Variants in FAM91A1 observed in about 807,000 individuals in gnomAD.
FAM91A1 encodes protein FAM91A1.
FAM91A1 carries 41 observed loss-of-function variants against 113.5 expected under a neutral mutation model. The observed-to-expected ratio is 0.36, with a 90% confidence interval of 0.28 to 0.47. FAM91A1 has a LOEUF of 0.47. Ranked by LOEUF, FAM91A1 falls within the 20% of genes least tolerant of loss-of-function variation. The pLI, the probability that FAM91A1 is intolerant of heterozygous loss-of-function variation, is 1.00. For synonymous variants in FAM91A1, 307 were observed against 347.9 expected (o/e 0.88, Z 1.31); for missense variants, 696 against 1,001.2 (o/e 0.70, Z 4.11).
chr8:123,790,087 T>G (rs2130102439), intron 15 of FAM91A1, among the ~76,000 whole-genome samples: 1 of 152,230 alleles, frequency 6.6e-6, no homozygotes. Flanking sequence ...GTAGGAAGCA[T>G]AAAATTTCAA....
At chr8:123,812,389 T>TG in intron 23 of FAM91A1, 130 bp from the exon 24 acceptor site, 1 of 561,844 alleles carries the variant, frequency 1.8e-6, no homozygotes, top group South Asian at 4.7e-5. Context: ...TGTAGATCTT[T>TG]GCATCTCCTG....
chr8:123,771,863 T>G (rs956086870), intron 1 of FAM91A1, among the ~76,000 whole-genome samples: 2 of 152,244 alleles, frequency 1.3e-5, no homozygotes, highest in African/African-American at 4.8e-5. Flanking sequence ...GTCTTATTCT[T>G]ACATCGCCAT....
chr8:123,810,448 A>G (rs886121138), intron 23 of FAM91A1, 97 bp downstream of exon 23: 24 of 1,071,560 alleles, frequency 2.2e-5, no homozygotes, highest in Non-Finnish European at 3.3e-5. Flanking sequence ...GCAGCAAGAT[A>G]TGAAATAAAC....
intron 16 of FAM91A1, 118 bp downstream of exon 16, chr8:123,798,356 A>G: frequency 8.6e-7 from 1 of 1,168,630 alleles, no homozygotes; most frequent in Non-Finnish European, 1.2e-6. Flanking sequence ...GCAATTTTGT[A>G]TTTTATGCCT....
rs763016887 is a variant in FAM91A1 at position 123,780,012 on chromosome 8, G to A, written c.577G>A (p.Val193Ile). The change falls in exon 7 of 24, where the codon GTT becomes ATT. Residue 193 changes from valine to isoleucine, a missense_variant. By Grantham distance (29) the Val-to-Ile change is conservative. Coordinates refer to ENST00000334705, the MANE Select transcript of FAM91A1 (RefSeq NM_144963.4). ...ATGCACTTTGCCTGAGAAATGCGCT[G>A]TTGATAAGATCATCGATTCAGGCCC... ...KICTLPEKCA[V>I]DKIIDSGPQL... 6 of 1,613,390 alleles carry A rather than the reference G, an allele frequency of 3.7e-6. No homozygotes were observed. In the South Asian group the frequency reaches 5.5e-5, roughly 15 times the overall value.
chr8:123,787,160 T>C, intron 12 of FAM91A1, 101 bp from the exon 13 acceptor site: 3 of 888,606 alleles, frequency 3.4e-6, no homozygotes, highest in Non-Finnish European at 3.5e-6. Context: ...AATTATGTAC[T>C]TTCTGGTTAT....
chr8:123,806,564 A>G (rs1297228947), intron 20 of FAM91A1, among the ~76,000 whole-genome samples: 1 of 152,198 alleles, frequency 6.6e-6, no homozygotes, highest in Non-Finnish European at 1.5e-5. Flanking sequence ...TTGACTTAAT[A>G]GTTTTTCCCT....
At chr8:123,804,160 A>C (rs889412545) in intron 18 of FAM91A1, among the ~76,000 whole-genome samples, 1 of 152,182 alleles carries the variant, frequency 6.6e-6, no homozygotes, top group Non-Finnish European at 1.5e-5. Flanking sequence ...AACTAATAGT[A>C]CATTCACATG....
intron 4 of FAM91A1, among the ~76,000 whole-genome samples, chr8:123,777,611 T>C (rs561980408): frequency 6.6e-6 from 1 of 152,320 alleles, no homozygotes; most frequent in East Asian, 1.9e-4. Flanking sequence ...GTGTGTATAT[T>C]GAATGTGGGA....
intron 8 of FAM91A1, 60 bp downstream of exon 8, chr8:123,780,602 C>A: frequency 7.5e-7 from 1 of 1,337,398 alleles, no homozygotes; most frequent in Non-Finnish European, 1.1e-6. Flanking sequence ...CTAAGCATTG[C>A]ATATCATCCG....
In FAM91A1 at chr8:123,775,169, A is replaced by G. The variant is rs191570000; in HGVS notation, c.180A>G (p.Glu60=). 5.7e-5 allele frequency: 91 copies of G among 1,610,324 alleles called. No homozygotes were observed. The African/African-American group carries it at 8.3e-4, about 15-fold the overall frequency. ...NNLVKHVKKD[E]RRYYEELLKY... is the part of the protein sequence containing the mutation. ...CAGTTAAACATGTCAAGAAAGATGA[A>G]CGCAGATACTATGAGGAACTGCTAA... is the stretch of plus-strand genomic sequence containing the variant. Residue 60 remains glutamate, a synonymous_variant, in exon 3 of 24, where the codon GAA becomes GAG. Transcript: ENST00000334705.
At position 123,775,178 on chromosome 8, in the gene FAM91A1, CT is replaced by C; in HGVS notation, c.190del (p.Tyr64MetfsTer5). 1 of 1,612,008 alleles carries C rather than the reference CT, an allele frequency of 6.2e-7. No individual in the cohort carries two copies. Among genetic ancestry groups the C allele is most frequent in the Admixed American group, 1.7e-5 (1 of 59,876 alleles). On this transcript the variant is annotated frameshift_variant, in exon 3 of 24. Transcript: ENST00000334705. LOFTEE classifies it high-confidence loss of function. The part of the protein sequence containing the change: ...KHVKKDERRY[Y>X]EELLKYSRDH... ...ATGTCAAGAAAGATGAACGCAGATA[CT>C]ATGAGGAACTGCTAAAGTACAGCCG... is the stretch of plus-strand genomic sequence containing the variant.
At position 123,814,311 on chromosome 8, in the gene FAM91A1, C is replaced by T. The variant is rs963893745; in HGVS notation, c.*1607C>T. The T allele has an allele frequency of 5.1e-6, 1 of 197,736 alleles. No homozygotes were observed. 12.2% of individuals were successfully genotyped at this position (197,736 alleles called of 1,614,324 possible). On this transcript the variant is annotated 3_prime_UTR_variant, in exon 24 of 24. Coordinates refer to ENST00000334705, the MANE Select transcript of FAM91A1 (RefSeq NM_144963.4). ...TGCCATTAGGTATGTATGTATGTAA[C>T]TTTTACAGTTTTTCAGCTGAAAGTT...
intron 3 of FAM91A1, among the ~76,000 whole-genome samples, chr8:123,776,043 C>G (rs1421658733): frequency 6.6e-6 from 1 of 152,124 alleles, no homozygotes; most frequent in Non-Finnish European, 1.5e-5. Flanking sequence ...ATGACATAGA[C>G]CCAACATTAT....
At chr8:123,772,180 G>A (rs904750390) in intron 1 of FAM91A1, among the ~76,000 whole-genome samples, 4 of 152,166 alleles carry the variant, frequency 2.6e-5, no homozygotes, top group African/African-American at 9.7e-5. Flanking sequence ...CTCGTGTATT[G>A]ATTGATAGGT....
intron 8 of FAM91A1, among the ~76,000 whole-genome samples, chr8:123,781,550 T>C (rs1488477847): frequency 6.7e-6 from 1 of 150,002 alleles, no homozygotes; most frequent in Non-Finnish European, 1.5e-5. Context: ...TGATTTTGGC[T>C]CACTGCAACC....
At chr8:123,778,841 CT>C in intron 6 of FAM91A1, 69 bp downstream of exon 6, 1 of 1,029,398 alleles carries the variant, frequency 9.7e-7, no homozygotes, top group Non-Finnish European at 1.3e-6. Flanking sequence ...TTAATTATAG[CT>C]TATAATTTTT....
chr8:123,780,124 A>T (rs1449174858), intron 7 of FAM91A1, 49 bp downstream of exon 7: 5 of 1,505,858 alleles, frequency 3.3e-6, no homozygotes, highest in Non-Finnish European at 4.6e-6. Flanking sequence ...AACTTGTTTT[A>T]AACCATCAAT....
In FAM91A1 at chr8:123,778,110, T is replaced by C; in HGVS notation, c.435+18T>C. 1 of 1,567,316 alleles carries C rather than the reference T, an allele frequency of 6.4e-7. No homozygotes were observed. Among genetic ancestry groups the C allele is most frequent in the Non-Finnish European group, 8.7e-7 (1 of 1,148,280 alleles). On this transcript the variant is annotated intron_variant, in intron 5 of 23. Transcript: ENST00000334705. ...CATCAAAAGTAAGTTAGTACTTTCT[T>C]TTTCATTGTTTTGGCCTCATCACAC... is the stretch of plus-strand genomic sequence containing the variant.
Sources: allele counts gnomAD v4.1 joint callset (sites outside exome capture counted in the v4.1 genomes callset), GRCh38; gene constraint gnomAD v4.1.1; transcripts MANE v1.5; gene names NCBI Gene and HGNC (gene_info 2026-07-23, HGNC 2026-07-21).